FADS3: variants seen among roughly 807,000 people sequenced by gnomAD.
FADS3 encodes fatty acid desaturase 3.
A neutral mutation model predicts 60.4 loss-of-function variants in FADS3; 30 were observed. The observed-to-expected ratio is 0.50, with a 90% CI of 0.37 to 0.67. The LOEUF is 0.67. Ranked by LOEUF, FADS3 falls within the 30% of genes least tolerant of loss-of-function variation. The pLI is 0.00. For synonymous variants in FADS3, 234 were observed against 249.3 expected, an observed-to-expected ratio of 0.94 and a Z score of 0.58; for missense variants, 432 against 598.3, an observed-to-expected ratio of 0.72 and a Z score of 2.90.
At chr11:61,883,276 G>T (rs918176578) in intron 1 of FADS3, among the ~76,000 whole-genome samples, 1 of 152,146 alleles carries the variant, frequency 6.6e-6, no homozygotes, top group Non-Finnish European at 1.5e-5. Context: ...GCCTCCTCCG[G>T]AAACCTCATC....
At chr11:61,884,735 G>A (rs554339606) in intron 1 of FADS3, among the ~76,000 whole-genome samples, 3 of 152,246 alleles carry the variant, frequency 2.0e-5, no homozygotes, top group East Asian at 1.9e-4. Context: ...CCAGGGGTAC[G>A]TGCACAAAGC....
chr11:61,888,787 C>T, intron 1 of FADS3, among the ~76,000 whole-genome samples: 1 of 150,946 alleles, frequency 6.6e-6, no homozygotes, highest in East Asian at 1.9e-4. Flanking sequence ...AGCTCTCCCA[C>T]TTTACAGATG....
chr11:61,881,161 G>C (rs1402735631), intron 1 of FADS3: 3 of 152,034 alleles, frequency 2.0e-5, no homozygotes, highest in African/African-American at 7.2e-5. Flanking sequence ...TTACAAAAAA[G>C]AAAACATCAT....
At chr11:61,883,680 C>T (rs1938214238) in intron 1 of FADS3, among the ~76,000 whole-genome samples, 1 of 152,338 alleles carries the variant, frequency 6.6e-6, no homozygotes, top group South Asian at 2.1e-4. Flanking sequence ...CACCCCATGT[C>T]AGTTCTGGGG....
At chr11:61,885,186 A>G (rs1938270663) in intron 1 of FADS3, among the ~76,000 whole-genome samples, 1 of 152,130 alleles carries the variant, frequency 6.6e-6, no homozygotes, top group Admixed American at 6.5e-5. Flanking sequence ...GTTGGCCCCA[A>G]GATCCCACGC....
intron 1 of FADS3, chr11:61,880,458 T>C (rs1010562854): frequency 1.3e-5 from 3 of 223,008 alleles, no homozygotes; most frequent in Admixed American, 1.1e-4. Context: ...CGGGAAGACT[T>C]TGATTTCTTG....
At chr11:61,874,656 G>A (rs550127050) in intron 11 of FADS3, among the ~76,000 whole-genome samples, 26 of 152,318 alleles carry the variant, frequency 1.7e-4, no homozygotes, top group South Asian at 1.0e-3. Context: ...TCTATGCCAT[G>A]AGCTTGGCAT....
In FADS3 at chr11:61,877,030, G is replaced by A; in HGVS notation, c.886-67C>T. On this transcript the variant is annotated intron_variant, in intron 7 of 11. Transcript: ENST00000278829. The surrounding 1 kb of genome is among the most constrained non-coding windows in gnomAD (Gnocchi z 4.7). ...GCCCGGAGGTCTGGAGGCCTGGTGGGTGGGAGGAGGACCTCAGGCATCCAA... is the reference window on the plus strand; with the variant it reads ...GCCCGGAGGTCTGGAGGCCTGGTGGATGGGAGGAGGACCTCAGGCATCCAA... 4.3e-6 allele frequency: 5 copies of A among 1,163,622 alleles called. No individual in the cohort carries two copies. Among genetic ancestry groups the A allele is most frequent in the Non-Finnish European group, 6.0e-6 (5 of 827,356 alleles). 72.1% of individuals were successfully genotyped at this position (1,163,622 alleles called of 1,614,324 possible). A position where few individuals can be genotyped will look rare whatever the true frequency, so the allele number is the denominator to read the frequency against.
At chr11:61,891,876 G>C (rs1407214344), upstream of FADS3, 1 of 152,134 alleles carries the variant, frequency 6.6e-6, no homozygotes, top group Non-Finnish European at 1.5e-5. Context: ...GCGTCCCGCA[G>C]CGCCTCGCCA....
rs1938131370 is a variant in FADS3, at chr11:61,881,565, C to T, written c.214-1414G>A. On this transcript the variant is annotated intron_variant, in intron 1 of 11. Transcript: ENST00000278829. Reference sequence around the variant, plus strand: ...CCATGGGTCTGGAGAAGGGAGGCCTCCCAGTTGCTAAAGGAAACACCTTTG... The same window carrying T: ...CCATGGGTCTGGAGAAGGGAGGCCTTCCAGTTGCTAAAGGAAACACCTTTG... The T allele has an allele frequency of 2.0e-5, 3 of 152,214 alleles. No individual in the cohort carries two copies. In the South Asian group the frequency reaches 6.2e-4, roughly 32 times the overall value. 9.4% of individuals were successfully genotyped at this position (152,214 alleles called of 1,614,324 possible).
At position 61,878,643 on chromosome 11, in the gene FADS3, G is replaced by T. The variant is rs759404488; in HGVS notation, c.625-9C>A. 3.1e-6 allele frequency: 5 copies of T among 1,614,064 alleles called. No individual in the cohort carries two copies. The South Asian group carries it at 5.5e-5, about 18-fold the overall frequency. Reference sequence around the variant, plus strand: ...CAGTGGGCGGAGAAGCCCTGTGGAGGAGGAGGGGGCTCTCAGGGCAGGCTG... The same window carrying T: ...CAGTGGGCGGAGAAGCCCTGTGGAGTAGGAGGGGGCTCTCAGGGCAGGCTG... On this transcript the variant is annotated splice_polypyrimidine_tract_variant and intron_variant, in intron 4 of 11. Coordinates refer to ENST00000278829, the MANE Select transcript of FADS3 (RefSeq NM_021727.5).
intron 1 of FADS3, among the ~76,000 whole-genome samples, chr11:61,885,127 C>T (rs894114753): frequency 1.3e-5 from 2 of 152,184 alleles, no homozygotes; most frequent in Non-Finnish European, 2.9e-5. Context: ...TCTCAGGATA[C>T]AGAGACAGCT....
At chr11:61,889,246 T>C (rs1291495210) in intron 1 of FADS3, among the ~76,000 whole-genome samples, 2 of 152,114 alleles carry the variant, frequency 1.3e-5, no homozygotes, top group Non-Finnish European at 2.9e-5. Flanking sequence ...ATGAGAAAAC[T>C]GTGTGATGGA....
Position 61,873,872 on chromosome 11 carries a change from G to T in FADS3, c.1287-7C>A. The T allele has an allele frequency of 6.2e-7, 1 of 1,603,628 alleles. No individual in the cohort carries two copies. Among genetic ancestry groups the T allele is most frequent in the Non-Finnish European group, 8.5e-7 (1 of 1,173,756 alleles). On this transcript the variant is annotated splice_polypyrimidine_tract_variant and splice_region_variant and intron_variant, in intron 11 of 11. Transcript: ENST00000278829. ...ACCAGACTTCTTCAGGGACCTGGGA[G>T]GTGGGGGTGGCAGTGGGGGTGGGTG...
chr11:61,884,204 C>T (rs74683370), intron 1 of FADS3, among the ~76,000 whole-genome samples: 3,836 of 152,184 alleles, frequency 0.025, 154 homozygotes, highest in African/African-American at 0.084. Context: ...TCCATTTGAC[C>T]GAGGTTAGAT....
Position 61,878,183 on chromosome 11 carries a change from G to T in FADS3, c.780C>A (p.Tyr260Ter). The T allele has an allele frequency of 6.2e-7, 1 of 1,614,216 alleles. No individual in the cohort carries two copies. ...YGKKKRRYLPYNQQHLYFFLI... is the reference protein window; with the variant it reads ...YGKKKRRYLP ...GGAAGAAGTACAGGTGCTGCTGGTT[G>T]TAGGGTAGGTATCTGCGTTTCTTCT... is the stretch of plus-strand genomic sequence containing the variant. Residue 260 changes from tyrosine (Y) to a stop codon, truncating the protein, a stop_gained, in exon 6 of 12, where the codon TAC becomes TAA. Coordinates refer to ENST00000278829, the MANE Select transcript of FADS3 (RefSeq NM_021727.5). LOFTEE classifies it high-confidence loss of function.
At chr11:61,881,036 G>C (rs1214744712) in intron 1 of FADS3, 1 of 152,158 alleles carries the variant, frequency 6.6e-6, no homozygotes, top group Non-Finnish European at 1.5e-5. Flanking sequence ...AATGGGCCAG[G>C]CATGGTGGCT....
chr11:61,887,954 A>T (rs1348296397), intron 1 of FADS3, among the ~76,000 whole-genome samples: 1 of 152,204 alleles, frequency 6.6e-6, no homozygotes. Flanking sequence ...CGTGCCTCAT[A>T]GGGGCACCTT....
intron 1 of FADS3, chr11:61,881,770 A>G (rs1026288972): frequency 6.6e-6 from 1 of 152,208 alleles, no homozygotes; most frequent in Non-Finnish European, 1.5e-5. Flanking sequence ...GGTAACACCT[A>G]CATGATCTAC....
Sources: gnomAD v4.1 joint callset for allele counts (sites outside exome capture counted in the v4.1 genomes callset) on GRCh38, gnomAD v4.1.1 for gene constraint, Gnocchi (gnomAD v3.1) non-coding constraint, MANE v1.5 for transcripts, NCBI Gene and HGNC (gene_info 2026-07-23, HGNC 2026-07-21) for gene names.